ESR1: variants seen among roughly 807,000 people sequenced by gnomAD.
ESR1 encodes estrogen receptor 1.
Under a neutral mutation model 52.7 loss-of-function variants are expected in ESR1, and 12 were observed. That is an observed-to-expected ratio of 0.23 (90% CI 0.15 to 0.37). The LOEUF (loss-of-function observed/expected upper bound fraction) is 0.37, where lower values mean the gene tolerates loss of function less well. Among genes scored for constraint, ESR1 ranks in the 10% least tolerant of loss-of-function variants. The pLI is 1.00. For missense variants in ESR1, 584 were observed against 779.7 expected (o/e 0.75, Z 2.99); for synonymous variants, 305 against 316.8 (o/e 0.96, Z 0.39).
At chr6:152,084,855 C>A (rs115392893) in intron 6 of ESR1, among the ~76,000 whole-genome samples, 126 of 152,302 alleles carry the variant, frequency 8.3e-4, no homozygotes, top group African/African-American at 2.9e-3. Flanking sequence ...GAGTACAGAT[C>A]TTTACCAGTT....
intron 1 of ESR1, among the ~76,000 whole-genome samples, chr6:151,691,260 G>A (rs1244059166): frequency 1.3e-5 from 2 of 152,126 alleles, no homozygotes; most frequent in Non-Finnish European, 2.9e-5. Flanking sequence ...TTGAGTCCTG[G>A]TGTCCCATTT....
chr6:152,021,144 A>G (rs551337435), intron 5 of ESR1, among the ~76,000 whole-genome samples: 3 of 152,216 alleles, frequency 2.0e-5, no homozygotes, highest in Admixed American at 6.5e-5. Flanking sequence ...TGGGCTGTGG[A>G]AGGCACACCC....
At chr6:151,806,530 G>GTATGTATGTA (rs1430574846), upstream of ESR1, among the ~76,000 whole-genome samples, 1 of 96,468 alleles carries the variant, frequency 1.0e-5, no homozygotes, top group African/African-American at 4.0e-5. Flanking sequence ...TCCTTAATAT[G>GTATGTATGTA]TATATATATA....
At chr6:151,756,372 C>T (rs1457972445) in intron 2 of ESR1, among the ~76,000 whole-genome samples, 1 of 152,072 alleles carries the variant, frequency 6.6e-6, no homozygotes, top group African/African-American at 2.4e-5. Context: ...CTCGGCCTCC[C>T]GAGTAGCTGG....
At chr6:152,051,987 A>T (rs182274706) in intron 5 of ESR1, among the ~76,000 whole-genome samples, 1 of 152,300 alleles carries the variant, frequency 6.6e-6, no homozygotes. Context: ...GGAATACCTG[A>T]TGCCAGGTAA....
chr6:152,077,477 A>G (rs902522219), intron 6 of ESR1, among the ~76,000 whole-genome samples: 15 of 152,200 alleles, frequency 9.9e-5, no homozygotes, highest in African/African-American at 3.4e-4. Context: ...TGGAGCTGTA[A>G]GAGGAGGACC....
At chr6:151,914,323 C>T (rs920816638) in intron 3 of ESR1, among the ~76,000 whole-genome samples, 5 of 151,794 alleles carry the variant, frequency 3.3e-5, no homozygotes, top group Admixed American at 2.0e-4. Flanking sequence ...TAAAACCCAT[C>T]TGCTTATTGA....
intron 2 of ESR1, among the ~76,000 whole-genome samples, chr6:151,727,899 T>G (rs1229790884): frequency 6.6e-6 from 1 of 152,218 alleles, no homozygotes; most frequent in Non-Finnish European, 1.5e-5. Flanking sequence ...ATCTGAGATC[T>G]CCCCAGCCAT....
intron 5 of ESR1, among the ~76,000 whole-genome samples, chr6:152,012,673 C>G (rs1264135982): frequency 6.6e-6 from 1 of 152,202 alleles, no homozygotes; most frequent in African/African-American, 2.4e-5. Flanking sequence ...TCTTCCCACT[C>G]TCATGTTCAG....
intron 1 of ESR1, among the ~76,000 whole-genome samples, chr6:151,827,354 A>G (rs962269009): frequency 3.3e-5 from 5 of 151,320 alleles, no homozygotes; most frequent in South Asian, 2.1e-4. Flanking sequence ...CAAAAAAAAA[A>G]AAAAAGAAAA....
chr6:151,957,112 C>T (rs185014089), intron 4 of ESR1, among the ~76,000 whole-genome samples: 2,523 of 151,786 alleles, frequency 0.017, 60 homozygotes, highest in African/African-American at 0.057. Context: ...CTCCTGACCT[C>T]GTGATCCGCC....
At chr6:151,725,667 C>T (rs1446943515) in intron 2 of ESR1, among the ~76,000 whole-genome samples, 1 of 152,174 alleles carries the variant, frequency 6.6e-6, no homozygotes, top group Non-Finnish European at 1.5e-5. Flanking sequence ...GTAATTGTGG[C>T]AACATATTGC....
rs138911330 is a variant in ESR1, at chr6:152,043,507, C to G, written c.1236-17484C>G. Among the ~76,000 whole-genome samples, 463 of 152,278 alleles carry G rather than the reference C, an allele frequency of 3.0e-3. 6 individuals carry two copies. The highest frequency in any genetic ancestry group is 0.011 in the African/African-American group (438 of 41,548). ...CTGAACCTCATCTCTAAGGGGCCTG[C>G]CGGGACTTTAGTCTAGTTCTATAAC... On this transcript the variant is annotated intron_variant, in intron 5 of 7. Transcript: ENST00000206249.
chr6:151,694,372 C>T (rs1267329521), intron 1 of ESR1, among the ~76,000 whole-genome samples: 1 of 152,206 alleles, frequency 6.6e-6, no homozygotes. Flanking sequence ...CTCTTAGCCT[C>T]AGCAACTTCA....
At chr6:151,943,196 C>T (rs1467458044) in intron 3 of ESR1, among the ~76,000 whole-genome samples, 1 of 151,934 alleles carries the variant, frequency 6.6e-6, no homozygotes, top group South Asian at 2.1e-4. Context: ...CTGGCTAACA[C>T]GGCGAAACCC....
chr6:152,018,430 A>G (rs2043339057), intron 5 of ESR1, among the ~76,000 whole-genome samples: 1 of 152,090 alleles, frequency 6.6e-6, no homozygotes, highest in African/African-American at 2.4e-5. Context: ...AATGATAAAA[A>G]AAAAAAAAAA....
chr6:152,111,666 C>A (rs2051137755), intron 6 of ESR1, among the ~76,000 whole-genome samples: 1 of 152,140 alleles, frequency 6.6e-6, no homozygotes, highest in Non-Finnish European at 1.5e-5. Context: ...TGTTTCAATA[C>A]CCAGGGCCCC....
intron 6 of ESR1, among the ~76,000 whole-genome samples, chr6:152,125,020 G>T (rs1333279004): frequency 1.3e-5 from 2 of 152,348 alleles, no homozygotes; most frequent in East Asian, 3.9e-4. Context: ...TCAGGGAAGT[G>T]AAATAACTGG....
chr6:152,021,059 G>T (rs1329292315), intron 5 of ESR1, among the ~76,000 whole-genome samples: 1 of 152,090 alleles, frequency 6.6e-6, no homozygotes, highest in Non-Finnish European at 1.5e-5. Flanking sequence ...AACTTGATTG[G>T]ATTGAAGGAT....
Sources: allele counts gnomAD v4.1 joint callset (sites outside exome capture counted in the v4.1 genomes callset), GRCh38; gene constraint gnomAD v4.1.1; transcripts MANE v1.5; gene names NCBI Gene and HGNC (gene_info 2026-07-23, HGNC 2026-07-21).